The following EIF3A variants were observed in gnomAD, a reference collection of about 807,000 sequenced individuals.
The protein encoded by EIF3A is eukaryotic translation initiation factor 3 subunit A.
EIF3A carries 21 observed loss-of-function variants against 186.6 expected under a neutral mutation model. The observed-to-expected ratio is 0.11, with a 90% CI of 0.08 to 0.16. The LOEUF (loss-of-function observed/expected upper bound fraction) is 0.16, where lower values mean the gene tolerates loss of function less well. EIF3A is among the 10% of genes least tolerant of loss of function. The probability of loss-of-function intolerance (pLI) is 1.00; values close to 1 mark genes in which losing one functional copy is unlikely to be tolerated. For synonymous variants in EIF3A, 563 were observed against 584.3 expected (o/e 0.96, Z 0.52); for missense variants, 1,306 against 1,796.3 (o/e 0.73, Z 4.93).
At chr10:119,066,986 G>A (rs1328381486) in intron 6 of EIF3A, among the ~76,000 whole-genome samples, 3 of 152,046 alleles carry the variant, frequency 2.0e-5, no homozygotes, top group Non-Finnish European at 2.9e-5. Flanking sequence ...GCCGAGGCAG[G>A]TGGATCACCT....
chr10:119,053,843 T>C (rs776040212), intron 14 of EIF3A, among the ~76,000 whole-genome samples: 19 of 152,386 alleles, frequency 1.2e-4, no homozygotes, highest in Non-Finnish European at 2.4e-4. Context: ...CGTACTGTTA[T>C]GTCATAAAGA....
rs556135304 is a variant in EIF3A, at chr10:119,035,926, T to C, written c.*113A>G. 1.3e-5 allele frequency: 10 copies of C among 762,030 alleles called. No homozygotes were observed. Among genetic ancestry groups the C allele is most frequent in the Admixed American group, 2.3e-5 (1 of 42,566 alleles). The allele number at this position is 762,030 out of a possible 1,614,324, so 47.2% of individuals were successfully genotyped here. On this transcript the variant is annotated 3_prime_UTR_variant, in exon 22 of 22. Coordinates refer to ENST00000369144, the MANE Select transcript of EIF3A (RefSeq NM_003750.4). ...ATACAAGTTCATGCTTTTTGTGTTA[T>C]GGTGAAACAACATTAAAGAATCCAA... is the stretch of plus-strand genomic sequence containing the variant.
At position 119,038,403 on chromosome 10, in the gene EIF3A, C is replaced by A; in HGVS notation, c.3563G>T (p.Ser1188Ile). Residue 1188 changes from serine to isoleucine, a missense_variant, in exon 20 of 22, where the codon AGC (serine) becomes ATC (isoleucine). Around this residue, in one of 8 missense-constraint regions of EIF3A, gnomAD observed 331 missense variants for 365.8 expected, o/e 0.90. Coordinates refer to ENST00000369144, the MANE Select transcript of EIF3A (RefSeq NM_003750.4). ...WREKEKAREE[S>I]WGPPRESRPS... Reference sequence around the variant, plus strand: ...CCTTGATTCTCGAGGTGGACCCCAGCTCTCCTCTCTGGCTTTTTCTTTCTC... The same window carrying A: ...CCTTGATTCTCGAGGTGGACCCCAGATCTCCTCTCTGGCTTTTTCTTTCTC... 6.2e-7 allele frequency: 1 copy of A among 1,614,158 alleles called. No individual in the cohort carries two copies. The highest frequency in any genetic ancestry group is 8.5e-7 in the Non-Finnish European group (1 of 1,180,024).
At chr10:119,065,912 C>G (rs184841720) in intron 6 of EIF3A, among the ~76,000 whole-genome samples, 12 of 150,892 alleles carry the variant, frequency 8.0e-5, no homozygotes, top group East Asian at 6.0e-4. Context: ...GTCAAGAGAT[C>G]GAGACCATCC....
intron 7 of EIF3A, 59 bp downstream of exon 7, chr10:119,065,340 T>G: frequency 7.7e-7 from 1 of 1,290,746 alleles, no homozygotes; most frequent in Non-Finnish European, 1.1e-6. Context: ...CATGAGTTAT[T>G]AAACCTGACC....
intron 18 of EIF3A, among the ~76,000 whole-genome samples, chr10:119,043,457 A>C (rs1439583357): frequency 6.6e-6 from 1 of 151,368 alleles, no homozygotes; most frequent in African/African-American, 2.4e-5. Flanking sequence ...AGAAACAAAC[A>C]AACAAAATTA....
rs1272127385 is a variant in EIF3A at position 119,058,301 on chromosome 10, T to G, written c.1632A>C (p.Gln544His). 1.3e-6 allele frequency: 2 copies of G among 1,561,036 alleles called. No homozygotes were observed. The highest frequency in any genetic ancestry group is 2.7e-5 in the African/African-American group (2 of 72,942). ...CCAACTGATGCTGTTCTTCTTTCTC[T>G]TGCTTCAAAAACAAATGAATTTTTT... ...LEVIKPAHILQEKEEQHQLAV... is the reference protein window; with the variant it reads ...LEVIKPAHILHEKEEQHQLAV... Residue 544 changes from glutamine to histidine, a missense_variant and splice_region_variant, in exon 12 of 22, where the codon CAA becomes CAC. Gln to His is a conservative substitution (Grantham distance 24). Transcript: ENST00000369144.
chr10:119,036,254 G>A lies in EIF3A; in HGVS notation c.3934C>T (p.Arg1312Cys), dbSNP rs775513192. Residue 1312 changes from arginine to cysteine, a missense_variant, in exon 22 of 22, where the codon CGT becomes TGT. By Grantham distance (180) the Arg-to-Cys change is radical (BLOSUM62 -3). Transcript: ENST00000369144. ...SEREEVSSWR[R>C]ADDRKDDRVE... The stretch of plus-strand genomic sequence containing the variant: ...CGGTCATCTTTCCTGTCATCAGCAC[G>A]TCTCCAAGAACTTACTAAAAAGTTT... 6.2e-6 allele frequency: 10 copies of A among 1,611,926 alleles called. No homozygotes were observed. In the East Asian group the frequency reaches 1.1e-4, roughly 18 times the overall value.
At chr10:119,052,783 C>T (rs1412586418) in intron 14 of EIF3A, among the ~76,000 whole-genome samples, 1 of 152,154 alleles carries the variant, frequency 6.6e-6, no homozygotes, top group Admixed American at 6.6e-5. Context: ...GAATCAACTT[C>T]TTCCAAACTC....
In EIF3A at chr10:119,042,623, C is replaced by T; in HGVS notation, c.2897G>A (p.Arg966Lys). 6.2e-7 allele frequency: 1 copy of T among 1,614,182 alleles called. No homozygotes were observed. Among genetic ancestry groups the T allele is most frequent in the Non-Finnish European group, 8.5e-7 (1 of 1,180,044 alleles). Residue 966 changes from arginine to lysine, a missense_variant, in exon 19 of 22, where the codon AGA becomes AAA. Arg to Lys is a conservative substitution (Grantham distance 26, BLOSUM62 2). Transcript: ENST00000369144. The surrounding 1 kb of genome is among the most constrained non-coding windows in gnomAD (Gnocchi z 7.8). ...RVPRRGMDDD[R>K]GPRRGPEEDR... ...TTCCTCAGGACCACGTCTAGGGCCT[C>T]TGTCATCATCCATGCCACGCCGGGG...
chr10:119,057,504 G>C (rs1843800303), intron 12 of EIF3A, among the ~76,000 whole-genome samples: 1 of 152,200 alleles, frequency 6.6e-6, no homozygotes, highest in Admixed American at 6.5e-5. Flanking sequence ...GTCATGTGTG[G>C]TGGCTCACAC....
rs1484683027 is a variant in EIF3A, at chr10:119,044,094, G to A, written c.2707C>T (p.Pro903Ser). Residue 903 changes from proline to serine, a missense_variant, in exon 18 of 22, where the codon CCT becomes TCT. This residue lies in a region of EIF3A where 410 missense variants were observed against 473.5 expected (regional missense o/e 0.87). Coordinates refer to ENST00000369144, the MANE Select transcript of EIF3A (RefSeq NM_003750.4). ...RDSEGTWRKG[P>S]EADSEWRRGP... ...CTTCTCCACTCAGAATCTGCTTCAG[G>A]TCCTTTTCTCCAGGTGCCTTCTGAA... is the stretch of plus-strand genomic sequence containing the variant. 6.2e-7 allele frequency: 1 copy of A among 1,613,912 alleles called. No homozygotes were observed. The highest frequency in any genetic ancestry group is 8.5e-7 in the Non-Finnish European group (1 of 1,179,924).
At chr10:119,068,518 T>C (rs533305413) in intron 6 of EIF3A, among the ~76,000 whole-genome samples, 2 of 150,756 alleles carry the variant, frequency 1.3e-5, no homozygotes, top group East Asian at 3.9e-4. Flanking sequence ...CTACCAAAAA[T>C]ACAAAAAATT....
chr10:119,077,282 T>C (rs924467978), intron 1 of EIF3A, among the ~76,000 whole-genome samples: 3 of 151,756 alleles, frequency 2.0e-5, no homozygotes, highest in Non-Finnish European at 1.5e-5. Context: ...CTGGGAAATA[T>C]GGTGAAAAAA....
chr10:119,069,437 C>G lies in EIF3A; in HGVS notation c.950+9G>C. 1 of 1,256,302 alleles carries G rather than the reference C, an allele frequency of 8.0e-7. No homozygotes were observed. The highest frequency in any genetic ancestry group is 1.2e-6 in the Non-Finnish European group (1 of 853,754). 77.8% of individuals were successfully genotyped at this position (1,256,302 alleles called of 1,614,324 possible). A position where few individuals can be genotyped will look rare whatever the true frequency, so the allele number is the denominator to read the frequency against. On this transcript the variant is annotated intron_variant, in intron 6 of 21. Transcript: ENST00000369144. ...GAATTTCAACATTATCCAAGTATAA[C>G]ATTTTTACCTTTGCATCTCATCTTG...
At chr10:119,058,467 T>A (rs1434347001) in intron 11 of EIF3A, among the ~76,000 whole-genome samples, 164 bp from the exon 12 acceptor site, 2 of 152,234 alleles carry the variant, frequency 1.3e-5, no homozygotes, top group African/African-American at 2.4e-5. Context: ...TATTAAATGC[T>A]ATGGTGTTGC....
chr10:119,038,199 C>T (rs1490851860), intron 20 of EIF3A, 39 bp downstream of exon 20: 10 of 1,560,158 alleles, frequency 6.4e-6, no homozygotes, highest in Non-Finnish European at 8.7e-6. Context: ...TGAGCCACTG[C>T]GCCCGGCCTC....
intron 17 of EIF3A, among the ~76,000 whole-genome samples, chr10:119,049,100 G>C (rs1848320666): frequency 6.6e-6 from 1 of 152,178 alleles, no homozygotes; most frequent in Non-Finnish European, 1.5e-5. Flanking sequence ...TCTTTGCTAA[G>C]ACAAGTATAA....
chr10:119,040,893 C>A (rs932481075), intron 19 of EIF3A, among the ~76,000 whole-genome samples: 4 of 151,192 alleles, frequency 2.6e-5, no homozygotes, highest in Non-Finnish European at 5.9e-5. Flanking sequence ...GTTGTCCCAG[C>A]TACTCAGGAG....
Sources: allele counts gnomAD v4.1 joint callset (sites outside exome capture counted in the v4.1 genomes callset), GRCh38; gene constraint gnomAD v4.1.1; regional missense constraint gnomAD v4.1.1; non-coding constraint Gnocchi (gnomAD v3.1); transcripts MANE v1.5; gene names NCBI Gene and HGNC (gene_info 2026-07-23, HGNC 2026-07-21).